Variants in GPALPP1 observed in about 807,000 individuals in gnomAD.
The protein encoded by GPALPP1 is GPALPP motifs-containing protein 1.
In GPALPP1, 30 loss-of-function variants were observed where a neutral mutation model predicts 38.9. The observed-to-expected ratio is 0.77, with a 90% confidence interval of 0.58 to 1.05. The LOEUF (loss-of-function observed/expected upper bound fraction) is 1.05, where lower values mean the gene tolerates loss of function less well. GPALPP1 is among the 50% of genes least tolerant of loss of function. GPALPP1 has a pLI of 0.00. For missense variants in GPALPP1, 384 were observed against 408.8 expected (o/e 0.94, Z 0.52); for synonymous variants, 120 against 139.2 (o/e 0.86, Z 0.97).
At chr13:44,992,403 C>A (rs1470214187) in intron 1 of GPALPP1, among the ~76,000 whole-genome samples, 1 of 152,042 alleles carries the variant, frequency 6.6e-6, no homozygotes, top group Non-Finnish European at 1.5e-5. Context: ...TCAGAAATAT[C>A]TTCTCTAATT....
chr13:45,034,953 C>CTTTT (rs141156734), downstream of GPALPP1: 1 of 82,904 alleles, frequency 1.2e-5, no homozygotes, highest in African/African-American at 4.5e-5. Context: ...CCAGGCTGGT[C>CTTTT]TTTTTTTTTT....
chr13:45,032,399 T>C (rs1351302235), downstream of GPALPP1, among the ~76,000 whole-genome samples: 2 of 152,058 alleles, frequency 1.3e-5, no homozygotes, highest in African/African-American at 4.8e-5. Flanking sequence ...CCTTGAATGA[T>C]TCTTTGTTTT....
chr13:45,016,094 G>A (rs1874849078), intron 6 of GPALPP1, among the ~76,000 whole-genome samples: 1 of 151,840 alleles, frequency 6.6e-6, no homozygotes, highest in Non-Finnish European at 1.5e-5. Flanking sequence ...CATATCTCAG[G>A]TGCACTAAGC....
At chr13:45,009,055 T>C in intron 4 of GPALPP1, 176 bp downstream of exon 4, 1 of 684,484 alleles carries the variant, frequency 1.5e-6, no homozygotes, top group South Asian at 1.5e-5. Flanking sequence ...GTAGATGAAA[T>C]AAAAAGCTGT....
In GPALPP1 at chr13:45,024,293, T is replaced by TGTGTGTGC. The variant is rs1875673507; in HGVS notation, c.805-3485_805-3484insCGTGTGTG. ...GTGTGTGTGTGTGTGTGTGTGTGTGTGTGTGTGTGTGTGTGTTTTGAGACT... is the reference window on the plus strand; with the variant it reads ...GTGTGTGTGTGTGTGTGTGTGTGTGTGTGTGTGCGTGTGTGTGTGTGTGTTTTGAGACT... On this transcript the variant is annotated intron_variant, in intron 7 of 7. Transcript: ENST00000379151. Among the ~76,000 whole-genome samples, 4 of 148,024 alleles carry TGTGTGTGC rather than the reference T, an allele frequency of 2.7e-5. No individual in the cohort carries two copies. The South Asian group carries it at 9.1e-4, about 34-fold the overall frequency.
chr13:45,027,786 A>C lies in GPALPP1; in HGVS notation c.806A>C (p.Glu269Ala). The change falls in exon 8 of 8, where the codon GAA becomes GCA. Residue 269 changes from glutamate (E) to alanine (A), a missense_variant and splice_region_variant. Transcript: ENST00000379151. ...TTTCTGCTCTCCTGCTCTCTCCAGG[A>C]ATCAAAAAGATCAGAATCTCTTATG... ...RLAEQVSSYN[E>A]SKRSESLMDI... is the part of the protein sequence containing the mutation. 6.9e-7 allele frequency: 1 copy of C among 1,445,060 alleles called. No individual in the cohort carries two copies. Among genetic ancestry groups the C allele is most frequent in the South Asian group, 1.2e-5 (1 of 85,628 alleles). 89.5% of individuals were successfully genotyped at this position (1,445,060 alleles called of 1,614,324 possible).
At chr13:45,010,998 A>G (rs1756362744) in intron 4 of GPALPP1, among the ~76,000 whole-genome samples, 1 of 151,956 alleles carries the variant, frequency 6.6e-6, no homozygotes, top group South Asian at 2.1e-4. Context: ...GAAAAAAGAA[A>G]AAAAAAGAAA....
At chr13:45,019,712 C>G (rs1875257596) in intron 6 of GPALPP1, among the ~76,000 whole-genome samples, 1 of 139,332 alleles carries the variant, frequency 7.2e-6, no homozygotes. Flanking sequence ...TGTAGGATAT[C>G]TTTTTAAGCC....
chr13:44,993,393 T>C (rs1872984912), intron 1 of GPALPP1, among the ~76,000 whole-genome samples: 1 of 152,196 alleles, frequency 6.6e-6, no homozygotes, highest in Non-Finnish European at 1.5e-5. Flanking sequence ...CCCAGCACTT[T>C]GGGAGACCGA....
chr13:45,007,218 G>C (rs972387109), intron 3 of GPALPP1, among the ~76,000 whole-genome samples: 1 of 151,898 alleles, frequency 6.6e-6, no homozygotes, highest in Admixed American at 6.6e-5. Flanking sequence ...GCCCTTTATA[G>C]AAAGTTTGCT....
chr13:45,007,067 GTT>G (rs1327593768), intron 3 of GPALPP1, among the ~76,000 whole-genome samples: 1 of 151,872 alleles, frequency 6.6e-6, no homozygotes, highest in African/African-American at 2.4e-5. Context: ...AACTTTAGTT[GTT>G]TCAGATATAC....
chr13:45,019,879 A>ATTTTTT (rs34893767), intron 6 of GPALPP1, among the ~76,000 whole-genome samples: 26 of 85,570 alleles, frequency 3.0e-4, no homozygotes, highest in Non-Finnish European at 3.9e-4. Flanking sequence ...TAATATTTTG[A>ATTTTTT]TTTTTTTTTT....
At chr13:45,036,400 T>C (rs891926531) in exon 8 of GPALPP1, 2 of 152,276 alleles carry the variant, frequency 1.3e-5, no homozygotes, top group Non-Finnish European at 2.9e-5. Flanking sequence ...GCCTCAGGAA[T>C]GCAGAACATT....
intron 1 of GPALPP1, among the ~76,000 whole-genome samples, chr13:44,991,801 TC>T (rs1566069689): frequency 6.6e-6 from 1 of 152,222 alleles, no homozygotes; most frequent in African/African-American, 2.4e-5. Flanking sequence ...CATCACAGAT[TC>T]GTTTTGCATG....
chr13:45,002,488 C>T (rs778034820), intron 1 of GPALPP1: 1 of 152,216 alleles, frequency 6.6e-6, no homozygotes, highest in Non-Finnish European at 1.5e-5. Context: ...AAGAGAAGTC[C>T]AAACTCCTTA....
At chr13:45,025,662 A>C (rs1875778824) in intron 7 of GPALPP1, among the ~76,000 whole-genome samples, 1 of 152,156 alleles carries the variant, frequency 6.6e-6, no homozygotes, top group South Asian at 2.1e-4. Context: ...GACTTAAATT[A>C]CTTGCCCATT....
intron 7 of GPALPP1, among the ~76,000 whole-genome samples, chr13:45,027,094 A>G (rs1422217703): frequency 6.6e-6 from 1 of 152,200 alleles, no homozygotes; most frequent in Non-Finnish European, 1.5e-5. Flanking sequence ...CGTATACCCC[A>G]GATTGAAGGC....
intron 1 of GPALPP1, among the ~76,000 whole-genome samples, chr13:44,990,931 A>C (rs1445559485): frequency 6.6e-6 from 1 of 152,042 alleles, no homozygotes; most frequent in Non-Finnish European, 1.5e-5. Flanking sequence ...CTCTACTAAA[A>C]ATACAAAAAT....
intron 1 of GPALPP1, among the ~76,000 whole-genome samples, chr13:45,003,451 A>G (rs1220924441): frequency 3.9e-5 from 6 of 152,218 alleles, no homozygotes; most frequent in African/African-American, 1.4e-4. Context: ...CTCCAGGCCA[A>G]CTGGGTTAGA....
Sources: gnomAD v4.1 joint callset for allele counts (sites outside exome capture counted in the v4.1 genomes callset) on GRCh38, gnomAD v4.1.1 for gene constraint, MANE v1.5 for transcripts, NCBI Gene and HGNC (gene_info 2026-07-23, HGNC 2026-07-21) for gene names.